Variants in UHRF1 observed in about 807,000 individuals in gnomAD.
The protein encoded by UHRF1 is ubiquitin like with PHD and ring finger domains 1, also known as E3 ubiquitin-protein ligase UHRF1.
UHRF1 carries 9 observed loss-of-function variants against 96.5 expected under a neutral mutation model. The observed-to-expected ratio is 0.09, with a 90% CI of 0.06 to 0.16. The LOEUF (loss-of-function observed/expected upper bound fraction) is 0.16. Ranked by LOEUF, UHRF1 falls within the 10% of genes least tolerant of loss-of-function variation. UHRF1 has a pLI of 1.00. For missense variants in UHRF1, 626 were observed against 1,131.1 expected (o/e 0.55, Z 6.40); for synonymous variants, 455 against 469.9 (o/e 0.97, Z 0.41).
chr19:4,928,994 C>CA (rs2032960162), intron 2 of UHRF1, among the ~76,000 whole-genome samples: 1 of 152,180 alleles, frequency 6.6e-6, no homozygotes, highest in Non-Finnish European at 1.5e-5. Context: ...CATGCAGTGC[C>CA]AAAAGCCCTC....
At chr19:4,915,589 T>C (rs1599242056) in intron 2 of UHRF1, among the ~76,000 whole-genome samples, 1 of 152,046 alleles carries the variant, frequency 6.6e-6, no homozygotes, top group Non-Finnish European at 1.5e-5. Context: ...GGCGCATGTC[T>C]GTAGTTCCAC....
chr19:4,905,856 C>T (rs2032055406), upstream of UHRF1, among the ~76,000 whole-genome samples: 1 of 152,208 alleles, frequency 6.6e-6, no homozygotes, highest in Non-Finnish European at 1.5e-5. Context: ...GACAATTCTT[C>T]TTCCAATGTG....
At position 4,960,650 on chromosome 19, in the gene UHRF1, C is replaced by A; in HGVS notation, c.2236-7C>A. 1 of 1,612,954 alleles carries A rather than the reference C, an allele frequency of 6.2e-7. No individual in the cohort carries two copies. Among genetic ancestry groups the A allele is most frequent in the Non-Finnish European group, 8.5e-7 (1 of 1,179,496 alleles). On this transcript the variant is annotated splice_region_variant and splice_polypyrimidine_tract_variant and intron_variant, in intron 16 of 16. Coordinates refer to ENST00000650932, the MANE Select transcript of UHRF1 (RefSeq NM_001048201.3). ...GGCACTTCTCACGCGCCTGCTGTGTCTTACAGGACTGCCTGGACAGATCCT... is the reference window on the plus strand; with the variant it reads ...GGCACTTCTCACGCGCCTGCTGTGTATTACAGGACTGCCTGGACAGATCCT...
At chr19:4,952,594 T>G (rs1192547702) in intron 13 of UHRF1, among the ~76,000 whole-genome samples, 1 of 151,608 alleles carries the variant, frequency 6.6e-6, no homozygotes, top group African/African-American at 2.4e-5. Context: ...GGTTTCGCCA[T>G]GTTGGCCAGG....
rs773988215 is a variant in UHRF1, at chr19:4,950,972, C to G, written c.1794C>G (p.Ile598Met). The G allele has an allele frequency of 6.2e-7, 1 of 1,611,174 alleles. No individual in the cohort carries two copies. Among genetic ancestry groups the G allele is most frequent in the Non-Finnish European group, 8.5e-7 (1 of 1,179,514 alleles). ...GPWTKEGKDR[I>M]KKLGLTMQYP... ...GGACGAAGGAGGGGAAGGACCGGAT[C>G]AAGAAGCTGGGGCTGACCATGCAGG... is the stretch of plus-strand genomic sequence containing the variant. Residue 598 changes from isoleucine to methionine, a missense_variant, in exon 13 of 17, where the codon ATC (isoleucine) becomes ATG (methionine). Physicochemically the swap from Ile to Met is conservative, Grantham distance 10. Transcript: ENST00000650932.
At chr19:4,946,579 G>GTT (rs150003603) in intron 10 of UHRF1, among the ~76,000 whole-genome samples, 10 of 145,466 alleles carry the variant, frequency 6.9e-5, no homozygotes, top group South Asian at 4.4e-4. Flanking sequence ...GTTGAGTGTT[G>GTT]TTTTTTTTTT....
At chr19:4,938,086 G>A (rs2033270694) in intron 5 of UHRF1, among the ~76,000 whole-genome samples, 1 of 151,954 alleles carries the variant, frequency 6.6e-6, no homozygotes, top group African/African-American at 2.4e-5. Context: ...CCTGGGAGGT[G>A]GAGGTTGCAG....
At chr19:4,928,347 G>GC (rs1313763434) in intron 2 of UHRF1, among the ~76,000 whole-genome samples, 2 of 152,008 alleles carry the variant, frequency 1.3e-5, no homozygotes, top group Non-Finnish European at 2.9e-5. Context: ...GTCCTAGATG[G>GC]CAAACCACCG....
intron 5 of UHRF1, among the ~76,000 whole-genome samples, chr19:4,934,386 G>A (rs1008494266): frequency 7.9e-5 from 12 of 152,102 alleles, no homozygotes; most frequent in Non-Finnish European, 1.3e-4. Context: ...GGCATTAAAC[G>A]CATTTACGTT....
chr19:4,909,948 G>A (rs2032189412), intron 1 of UHRF1, among the ~76,000 whole-genome samples: 1 of 151,112 alleles, frequency 6.6e-6, no homozygotes, highest in Non-Finnish European at 1.5e-5. Flanking sequence ...CTGCGCGCGG[G>A]GCGCCCCGCG....
chr19:4,949,427 A>G (rs1247136473), intron 11 of UHRF1, among the ~76,000 whole-genome samples: 2 of 151,914 alleles, frequency 1.3e-5, no homozygotes, highest in Non-Finnish European at 2.9e-5. Context: ...GTAAAAATGT[A>G]AGATGTAATG....
chr19:4,916,160 G>C (rs1031455260), intron 2 of UHRF1, among the ~76,000 whole-genome samples: 1 of 152,096 alleles, frequency 6.6e-6, no homozygotes, highest in African/African-American at 2.4e-5. Flanking sequence ...ATGAAAATTA[G>C]CCGGGCATGG....
At chr19:4,945,615 G>A (rs1316937686) in intron 9 of UHRF1, among the ~76,000 whole-genome samples, 1 of 151,050 alleles carries the variant, frequency 6.6e-6, no homozygotes, top group Non-Finnish European at 1.5e-5. Context: ...CAGTGAGGAT[G>A]CCCCGTGCAC....
chr19:4,936,867 A>C (rs960930660), intron 5 of UHRF1, among the ~76,000 whole-genome samples: 4 of 151,866 alleles, frequency 2.6e-5, no homozygotes, highest in Non-Finnish European at 5.9e-5. Flanking sequence ...AGTTTCCCCC[A>C]GTGGTAACAA....
Position 4,954,632 on chromosome 19 carries a change from C to CCCCACCCTCACGT in UHRF1, c.1958-18_1958-17insCCCACCCTCACGT. 1.2e-6 allele frequency: 2 copies of CCCCACCCTCACGT among 1,608,536 alleles called. No individual in the cohort carries two copies. The highest frequency in any genetic ancestry group is 1.7e-6 in the Non-Finnish European group (2 of 1,177,206). On this transcript the variant is annotated splice_polypyrimidine_tract_variant and intron_variant, in intron 14 of 16. Coordinates refer to ENST00000650932, the MANE Select transcript of UHRF1 (RefSeq NM_001048201.3). The surrounding 1 kb of genome is among the most constrained non-coding windows in gnomAD (Gnocchi z 5.9). ...TCGGGCCACGCGCCCCTCCCTCACG[C>CCCCACCCTCACGT]GCCCCACCCTCTTCCAGGAGGTGGC...
At chr19:4,910,741 G>A in intron 1 of UHRF1, 135 bp from the exon 2 acceptor site, 3 of 1,065,428 alleles carry the variant, frequency 2.8e-6, no homozygotes, top group Non-Finnish European at 4.0e-6. Flanking sequence ...TGGCTGTACA[G>A]GAGGACTGGA....
chr19:4,920,138 A>G (rs2032657213), intron 2 of UHRF1, among the ~76,000 whole-genome samples: 1 of 152,198 alleles, frequency 6.6e-6, no homozygotes, highest in Non-Finnish European at 1.5e-5. Flanking sequence ...TTATTAATGA[A>G]GAATAAAAAG....
At chr19:4,908,077 C>A (rs2032107248), upstream of UHRF1, among the ~76,000 whole-genome samples, 1 of 152,148 alleles carries the variant, frequency 6.6e-6, no homozygotes, top group African/African-American at 2.4e-5. Context: ...CCTTTTGTAT[C>A]CCTTTTTCAC....
chr19:4,957,966 G>A (rs1568186538), intron 16 of UHRF1, among the ~76,000 whole-genome samples: 1 of 152,256 alleles, frequency 6.6e-6, no homozygotes, highest in Non-Finnish European at 1.5e-5. Context: ...CCAGGCTTCT[G>A]AGTTGCTGGC....
Sources: allele counts gnomAD v4.1 joint callset (sites outside exome capture counted in the v4.1 genomes callset), GRCh38; gene constraint gnomAD v4.1.1; non-coding constraint Gnocchi (gnomAD v3.1); transcripts MANE v1.5; gene names NCBI Gene and HGNC (gene_info 2026-07-23, HGNC 2026-07-21).